The following RB1CC1 variants were observed in gnomAD, a reference collection of about 807,000 sequenced individuals.
The protein encoded by RB1CC1 is RB1 inducible coiled-coil 1.
A neutral mutation model predicts 177.5 loss-of-function variants in RB1CC1; 46 were observed. That is an observed-to-expected ratio of 0.26 (90% CI 0.20 to 0.33). RB1CC1 has a LOEUF of 0.33. Ranked by LOEUF, RB1CC1 falls within the 10% of genes least tolerant of loss-of-function variation. The pLI is 1.00. For synonymous variants in RB1CC1, 666 were observed against 613.6 expected (o/e 1.09, Z -1.26); for missense variants, 1,703 against 1,816.3 (o/e 0.94, Z 1.13).
rs552955141 is a variant in RB1CC1 at position 52,710,732 on chromosome 8, T to C, written c.-167+3343A>G. On this transcript the variant is annotated intron_variant, in intron 1 of 23. Transcript: ENST00000025008. ...ATTATCTATATAGCAAATATAGAATTATATAAGACAGGGAAAATGGGGAAA... is the reference window on the plus strand; with the variant it reads ...ATTATCTATATAGCAAATATAGAATCATATAAGACAGGGAAAATGGGGAAA... Among the ~76,000 whole-genome samples, 3 of 152,198 alleles carry C rather than the reference T, an allele frequency of 2.0e-5. No individual in the cohort carries two copies. The East Asian group carries it at 5.8e-4, about 29-fold the overall frequency.
chr8:52,703,612 C>G (rs777436929), intron 1 of RB1CC1, among the ~76,000 whole-genome samples: 1 of 152,184 alleles, frequency 6.6e-6, no homozygotes, highest in Non-Finnish European at 1.5e-5. Context: ...AATGTACTGG[C>G]TGTCAGTGGT....
chr8:52,710,295 G>A (rs192924387), intron 1 of RB1CC1, among the ~76,000 whole-genome samples: 95 of 152,162 alleles, frequency 6.2e-4, no homozygotes, highest in African/African-American at 2.0e-3. Flanking sequence ...CTAAATATAC[G>A]CCTTGTCTAC....
At chr8:52,625,240 G>A (rs988805472) in intron 22 of RB1CC1, among the ~76,000 whole-genome samples, 33 of 152,138 alleles carry the variant, frequency 2.2e-4, no homozygotes, top group African/African-American at 6.0e-4. Flanking sequence ...CTCAAAGGCA[G>A]CAAGTGAACA....
chr8:52,658,088 C>A lies in RB1CC1; in HGVS notation c.1830G>T (p.Gln610His). The stretch of plus-strand genomic sequence containing the variant: ...CCAAATTATGTAGAGCAAGTACATG[C>A]TGGTGTAGAGGTTCAAAGTCACAAA... ...PLLCDFEPLH[Q>H]HVLALHNLVK... is the part of the protein sequence containing the mutation. The change falls in exon 14 of 24, where the codon CAG becomes CAT. Residue 610 changes from glutamine (Q) to histidine (H), a missense_variant. Physicochemically the swap from Gln to His is conservative, Grantham distance 24. Coordinates refer to ENST00000025008, the MANE Select transcript of RB1CC1 (RefSeq NM_014781.5). 2 of 1,613,858 alleles carry A rather than the reference C, an allele frequency of 1.2e-6. No homozygotes were observed. The highest frequency in any genetic ancestry group is 2.2e-5 in the South Asian group (2 of 91,066).
rs1278208615 is a variant in RB1CC1 at position 52,660,213 on chromosome 8, G to A, written c.1689+383C>T. ...AATATAAAGGGGGGTGGTGTGAAAA[G>A]AAATATAGAAGGGCAAGGAGGAGGT... On this transcript the variant is annotated intron_variant, in intron 12 of 23. Coordinates refer to ENST00000025008, the MANE Select transcript of RB1CC1 (RefSeq NM_014781.5). Among the ~76,000 whole-genome samples, 3 of 151,968 alleles carry A rather than the reference G, an allele frequency of 2.0e-5. No homozygotes were observed. The East Asian group carries it at 5.8e-4, about 29-fold the overall frequency.
intron 1 of RB1CC1, among the ~76,000 whole-genome samples, chr8:52,693,543 ATAT>A (rs1456868506): frequency 6.6e-6 from 1 of 152,218 alleles, no homozygotes; most frequent in South Asian, 2.1e-4. Context: ...GTCAGAATGG[ATAT>A]TATTAAAAAG....
At chr8:52,673,309 G>C (rs923795635) in intron 7 of RB1CC1, among the ~76,000 whole-genome samples, 1 of 152,150 alleles carries the variant, frequency 6.6e-6, no homozygotes, top group Non-Finnish European at 1.5e-5. Context: ...TATTCCTCAG[G>C]TTTAAAAGGT....
intron 15 of RB1CC1, among the ~76,000 whole-genome samples, chr8:52,655,590 G>A (rs992485734): frequency 6.6e-6 from 1 of 151,922 alleles, no homozygotes; most frequent in Non-Finnish European, 1.5e-5. Context: ...CTATGATTTA[G>A]CCTTTAGTAA....
chr8:52,659,188 A>G (rs1341568625), intron 12 of RB1CC1, among the ~76,000 whole-genome samples: 1 of 152,166 alleles, frequency 6.6e-6, no homozygotes, highest in Non-Finnish European at 1.5e-5. Context: ...GCTAGTGATC[A>G]AGGGATGCAC....
At position 52,645,826 on chromosome 8, in the gene RB1CC1, A is replaced by G. The variant is rs746750688; in HGVS notation, c.3863T>C (p.Val1288Ala). The stretch of plus-strand genomic sequence containing the variant: ...CTGAAGCTTTTCTTGAAGTTCAGCA[A>G]CTAAGCTTGAAGAATCTCCTCTGGT... The part of the protein sequence containing the change: ...DSTRGDSSSL[V>A]AELQEKLQEE... Residue 1288 changes from valine to alanine, a missense_variant, in exon 16 of 24, where the codon GTT (valine) becomes GCT (alanine). Physicochemically the swap from Val to Ala is moderately conservative, Grantham distance 64. This residue lies in a region of RB1CC1 where 1,169 missense variants were observed against 1,184.7 expected (regional missense o/e 0.99). Transcript: ENST00000025008. 2 of 1,610,430 alleles carry G rather than the reference A, an allele frequency of 1.2e-6. No individual in the cohort carries two copies. Among genetic ancestry groups the G allele is most frequent in the Non-Finnish European group, 1.7e-6 (2 of 1,179,102 alleles).
chr8:52,687,290 A>G (rs1854356702), intron 1 of RB1CC1, among the ~76,000 whole-genome samples: 2 of 152,164 alleles, frequency 1.3e-5, no homozygotes, highest in South Asian at 4.1e-4. Context: ...TTGCAATTAT[A>G]TGATCTTGGA....
intron 1 of RB1CC1, among the ~76,000 whole-genome samples, chr8:52,713,741 C>T (rs923986903): frequency 5.3e-5 from 8 of 152,254 alleles, no homozygotes; most frequent in African/African-American, 1.2e-4. Flanking sequence ...GGGTACTAAG[C>T]GGCAGCGCAG....
chr8:52,691,235 A>ATC (rs1331376191), intron 1 of RB1CC1, among the ~76,000 whole-genome samples: 1 of 152,170 alleles, frequency 6.6e-6, no homozygotes, highest in African/African-American at 2.4e-5. Flanking sequence ...AGAAATCGTT[A>ATC]GAGTATAGAC....
At chr8:52,651,587 T>C (rs1341528971) in intron 15 of RB1CC1, among the ~76,000 whole-genome samples, 1 of 152,230 alleles carries the variant, frequency 6.6e-6, no homozygotes, top group Non-Finnish European at 1.5e-5. Flanking sequence ...CACCAAGTGT[T>C]GCCTTTTTCA....
At chr8:52,679,910 C>T (rs1408784853) in intron 5 of RB1CC1, among the ~76,000 whole-genome samples, 1 of 152,098 alleles carries the variant, frequency 6.6e-6, no homozygotes, top group African/African-American at 2.4e-5. Context: ...CCTAGAACTG[C>T]TAAATTTTGT....
intron 9 of RB1CC1, 83 bp downstream of exon 9, chr8:52,661,452 G>GA (rs1851620216): frequency 1.0e-5 from 15 of 1,471,126 alleles, no homozygotes; most frequent in African/African-American, 1.4e-5. Context: ...AAATGGTAGG[G>GA]AAAAATCACT....
chr8:52,701,126 CTTTT>C (rs200034490), intron 1 of RB1CC1, among the ~76,000 whole-genome samples: 1 of 144,992 alleles, frequency 6.9e-6, no homozygotes, highest in African/African-American at 2.5e-5. Flanking sequence ...AGGACCAGAT[CTTTT>C]TTTTTTTTTG....
intron 5 of RB1CC1, among the ~76,000 whole-genome samples, chr8:52,681,193 T>C (rs1245827583): frequency 6.6e-6 from 1 of 151,940 alleles, no homozygotes; most frequent in Non-Finnish European, 1.5e-5. Flanking sequence ...AGACAGGGTT[T>C]CACCATATTA....
At position 52,685,420 on chromosome 8, in the gene RB1CC1, T is replaced by C; in HGVS notation, c.50A>G (p.Asp17Gly). ...LVNTGTTLTF[D>G]TELTVQTVAD... ...TCACGTTTGCACTGTAAGTTCAGTG[T>C]CAAATGTTAGAGTAGTTCCAGTGTT... is the stretch of plus-strand genomic sequence containing the variant. The change falls in exon 3 of 24, where the codon GAC becomes GGC. Residue 17 changes from aspartate to glycine, a missense_variant. Around this residue, in one of 6 missense-constraint regions of RB1CC1, gnomAD observed 118 missense variants for 121.2 expected, o/e 0.97. Coordinates refer to ENST00000025008, the MANE Select transcript of RB1CC1 (RefSeq NM_014781.5). 6.2e-7 allele frequency: 1 copy of C among 1,600,962 alleles called. No individual in the cohort carries two copies. The highest frequency in any genetic ancestry group is 8.5e-7 in the Non-Finnish European group (1 of 1,172,440).
Sources: gnomAD v4.1 joint callset for allele counts (sites outside exome capture counted in the v4.1 genomes callset) on GRCh38, gnomAD v4.1.1 for gene constraint, gnomAD v4.1.1 regional missense constraint, MANE v1.5 for transcripts, NCBI Gene and HGNC (gene_info 2026-07-23, HGNC 2026-07-21) for gene names.